The following SNRPD3 variants were observed in gnomAD, a reference collection of about 807,000 sequenced individuals.
SNRPD3 encodes the protein small nuclear ribonucleoprotein Sm D3.
For missense variants in SNRPD3, 73 were observed against 167.5 expected, an observed-to-expected ratio of 0.44 and a Z score of 3.11; for synonymous variants, 66 against 58.4, an observed-to-expected ratio of 1.13 and a Z score of -0.59.
rs1337851992 is a variant in SNRPD3 at position 24,574,587 on chromosome 22, C to T, written c.*2610C>T. 6.6e-6 allele frequency among the ~76,000 whole-genome samples: 1 copy of T among 152,134 alleles called. No individual in the cohort carries two copies. Among genetic ancestry groups the T allele is most frequent in the Non-Finnish European group, 1.5e-5 (1 of 68,012 alleles). On this transcript the variant is annotated 3_prime_UTR_variant, in exon 4 of 4. Coordinates refer to ENST00000215829, the MANE Select transcript of SNRPD3 (RefSeq NM_004175.5). ...TAAGACGGTCTCACTCTTCCCCAGGCGGGAGTGCAATGGCACAATCATGGC... is the reference window on the plus strand; with the variant it reads ...TAAGACGGTCTCACTCTTCCCCAGGTGGGAGTGCAATGGCACAATCATGGC...
Position 24,572,351 on chromosome 22 carries a change from G to A in SNRPD3, c.*374G>A, listed in dbSNP as rs1207019658. 3 of 567,898 alleles carry A rather than the reference G, an allele frequency of 5.3e-6. No homozygotes were observed. The highest frequency in any genetic ancestry group is 3.7e-5 in the African/African-American group (2 of 53,498). 35.2% of individuals were successfully genotyped at this position (567,898 alleles called of 1,614,324 possible). ...GAAGCTCCGAGAACACACAGATTGT[G>A]TCTCATTCATCTTCAGACACAGGCA... is the stretch of plus-strand genomic sequence containing the variant. On this transcript the variant is annotated 3_prime_UTR_variant, in exon 4 of 4. Coordinates refer to ENST00000215829, the MANE Select transcript of SNRPD3 (RefSeq NM_004175.5).
intron 2 of SNRPD3, among the ~76,000 whole-genome samples, chr22:24,561,228 A>G (rs2147121408): frequency 6.6e-6 from 1 of 151,698 alleles, no homozygotes; most frequent in Non-Finnish European, 1.5e-5. Flanking sequence ...GTGCCCCACC[A>G]TACCTGGCTA....
At chr22:24,565,939 G>A (rs1475888489) in intron 2 of SNRPD3, among the ~76,000 whole-genome samples, 2 of 151,998 alleles carry the variant, frequency 1.3e-5, no homozygotes, top group African/African-American at 4.8e-5. Flanking sequence ...GAGCCACCGC[G>A]CCCAGCCCCA....
intron 2 of SNRPD3, among the ~76,000 whole-genome samples, chr22:24,564,883 C>CTTTTTTTTTTTTTTTTTTTTT (rs371010665): frequency 7.9e-6 from 1 of 127,166 alleles, no homozygotes; most frequent in African/African-American, 2.8e-5. Context: ...TTGCCTTGTT[C>CTTTTTTTTTTTTTTTTTTTTT]ATTTTTTTTT....
chr22:24,567,193 C>A (rs1246761215), intron 2 of SNRPD3, among the ~76,000 whole-genome samples: 1 of 152,206 alleles, frequency 6.6e-6, no homozygotes, highest in East Asian at 1.9e-4. Context: ...GTCAGAACCA[C>A]ATCTGGTATA....
At position 24,567,465 on chromosome 22, in the gene SNRPD3, G is replaced by A. The variant is rs544440984; in HGVS notation, c.127-519G>A. On this transcript the variant is annotated intron_variant, in intron 2 of 3. Transcript: ENST00000215829. The stretch of plus-strand genomic sequence containing the variant: ...TTAACATGTAAAGATGGGAGCACTC[G>A]GCTGGGCGCAGTGGCTCACACCTGT... Among the ~76,000 whole-genome samples, 12 of 152,180 alleles carry A rather than the reference G, an allele frequency of 7.9e-5. No homozygotes were observed. In the South Asian group the frequency reaches 1.0e-3, roughly 13 times the overall value.
Position 24,574,701 on chromosome 22 carries a change from C to A in SNRPD3, c.*2724C>A, listed in dbSNP as rs2045275649. Among the ~76,000 whole-genome samples the A allele has an allele frequency of 1.3e-5, 2 of 152,268 alleles. No individual in the cohort carries two copies. Among genetic ancestry groups the A allele is most frequent in the Admixed American group, 6.5e-5 (1 of 15,286 alleles). On this transcript the variant is annotated 3_prime_UTR_variant, in exon 4 of 4. Transcript: ENST00000215829. ...GAAATACTGGTGCACACCACCATGCCTAGCTAATTTTTGTATTTTTTGTAG... is the reference window on the plus strand; with the variant it reads ...GAAATACTGGTGCACACCACCATGCATAGCTAATTTTTGTATTTTTTGTAG...
upstream of SNRPD3, chr22:24,555,769 C>T: frequency 1.3e-6 from 2 of 1,550,398 alleles, no homozygotes; most frequent in Non-Finnish European, 1.7e-6. Flanking sequence ...TGTGAGCACC[C>T]TCTCTGGCTC....
chr22:24,563,002 A>G (rs1192396826), intron 2 of SNRPD3, among the ~76,000 whole-genome samples: 1 of 152,202 alleles, frequency 6.6e-6, no homozygotes, highest in Non-Finnish European at 1.5e-5. Flanking sequence ...TCCCCATACA[A>G]AATACCCTTT....
At chr22:24,556,855 A>G (rs2045076288) in intron 1 of SNRPD3, among the ~76,000 whole-genome samples, 1 of 152,240 alleles carries the variant, frequency 6.6e-6, no homozygotes, top group Non-Finnish European at 1.5e-5. Context: ...GTTGTTGCTC[A>G]TCTCAATAAA....
intron 2 of SNRPD3, among the ~76,000 whole-genome samples, chr22:24,560,452 TTTTTTTTTTTTTTTG>T (rs1265670534): frequency 7.3e-3 from 124 of 16,972 alleles, no homozygotes; most frequent in Admixed American, 0.013. Flanking sequence ...TTTTTTTTTT[TTTTTTTTTTTTTTTG>T]AGAGTCTCAC....
rs6004187 is a variant in SNRPD3 at position 24,572,558 on chromosome 22, C to T, written c.*581C>T. The T allele has an allele frequency of 0.19, 34,741 of 179,224 alleles. 3,974 individuals carry two copies. Among genetic ancestry groups the T allele is most frequent in the African/African-American group, 0.32 (13,348 of 41,666 alleles). The allele number at this position is 179,224 out of a possible 1,614,324, so 11.1% of individuals were successfully genotyped here. On this transcript the variant is annotated 3_prime_UTR_variant, in exon 4 of 4. Transcript: ENST00000215829. Reference sequence around the variant, plus strand: ...CGGGCGGATCACGAGGTCAGGAGTTCGAGACCAGCCTGGCCAATATGGTGA... The same window carrying T: ...CGGGCGGATCACGAGGTCAGGAGTTTGAGACCAGCCTGGCCAATATGGTGA...
chr22:24,569,214 C>T (rs935316230), intron 3 of SNRPD3, among the ~76,000 whole-genome samples: 7 of 152,174 alleles, frequency 4.6e-5, no homozygotes, highest in Admixed American at 3.3e-4. Flanking sequence ...ATAAAGCCAC[C>T]TTTTAGTACA....
chr22:24,556,365 AG>A (rs1410405713), intron 1 of SNRPD3, among the ~76,000 whole-genome samples: 1 of 108,196 alleles, frequency 9.2e-6, no homozygotes, highest in Non-Finnish European at 1.8e-5. Context: ...AAATCCTATG[AG>A]TTTTTTTTTG....
intron 2 of SNRPD3, among the ~76,000 whole-genome samples, chr22:24,561,757 C>T (rs1237496943): frequency 6.6e-6 from 1 of 152,162 alleles, no homozygotes. Context: ...AATCCCAACA[C>T]TTTGAGAGGC....
At chr22:24,567,048 C>G (rs1482488605) in intron 2 of SNRPD3, among the ~76,000 whole-genome samples, 2 of 152,236 alleles carry the variant, frequency 1.3e-5, no homozygotes, top group Non-Finnish European at 2.9e-5. Context: ...TTTCCTTGTG[C>G]AAGCTCTTGC....
chr22:24,558,828 C>CA (rs1216641845), intron 2 of SNRPD3, among the ~76,000 whole-genome samples: 1 of 152,140 alleles, frequency 6.6e-6, no homozygotes, highest in Non-Finnish European at 1.5e-5. Flanking sequence ...CTGGCACCCC[C>CA]GGTGTGTTCA....
At position 24,572,922 on chromosome 22, in the gene SNRPD3, G is replaced by A. The variant is rs1005905155; in HGVS notation, c.*945G>A. ...ACATCCATAGTTGTTAATGTAGGAA[G>A]GGTGACCAGCAGCTCAGCACAGTGG... On this transcript the variant is annotated 3_prime_UTR_variant, in exon 4 of 4. Coordinates refer to ENST00000215829, the MANE Select transcript of SNRPD3 (RefSeq NM_004175.5). The A allele has an allele frequency of 6.6e-6, 1 of 152,282 alleles. No homozygotes were observed. The highest frequency in any genetic ancestry group is 1.5e-5 in the Non-Finnish European group (1 of 68,114). 9.4% of individuals were successfully genotyped at this position (152,282 alleles called of 1,614,324 possible).
rs534169396 is a variant in SNRPD3 at position 24,573,260 on chromosome 22, C to CA, written c.*1288dup. 2.3e-3 allele frequency among the ~76,000 whole-genome samples: 352 copies of CA among 151,966 alleles called. No individual in the cohort carries two copies. Among genetic ancestry groups the CA allele is most frequent in the Non-Finnish European group, 3.1e-3 (213 of 67,984 alleles). ...AGATACACAGGGTGAATAATTGTGA[C>CA]AAAAACACAGAAACTGGAAAAGCAG... is the stretch of plus-strand genomic sequence containing the variant. On this transcript the variant is annotated 3_prime_UTR_variant, in exon 4 of 4. Coordinates refer to ENST00000215829, the MANE Select transcript of SNRPD3 (RefSeq NM_004175.5).
Sources: allele counts gnomAD v4.1 joint callset (sites outside exome capture counted in the v4.1 genomes callset), GRCh38; gene constraint gnomAD v4.1.1; transcripts MANE v1.5; gene names NCBI Gene and HGNC (gene_info 2026-07-23, HGNC 2026-07-21).